Variants in AADACL2 observed in about 807,000 individuals in gnomAD.
AADACL2 encodes arylacetamide deacetylase like 2.
In AADACL2, 23 loss-of-function variants were observed where a neutral mutation model predicts 22.3. The observed-to-expected ratio is 1.03, with a 90% CI of 0.74 to 1.46. AADACL2 has a LOEUF of 1.46. Among genes scored for constraint, AADACL2 ranks in the 40% most tolerant of loss-of-function variants. AADACL2 has a pLI of 0.00. For missense variants in AADACL2, 472 were observed against 482.9 expected (o/e 0.98, Z 0.21); for synonymous variants, 177 against 166.2 (o/e 1.07, Z -0.50).
At chr3:151,745,363 C>A (rs1313098785) in intron 3 of AADACL2, 146 bp from the exon 4 acceptor site, 17 of 756,802 alleles carry the variant, frequency 2.2e-5, no homozygotes, top group Non-Finnish European at 3.6e-5. Context: ...AAATAATTTT[C>A]ATTTTAATCA....
chr3:151,742,311 A>G (rs9754584), intron 2 of AADACL2, among the ~76,000 whole-genome samples: 2,322 of 152,120 alleles, frequency 0.015, 63 homozygotes, highest in African/African-American at 0.053. Flanking sequence ...TTTTGTTTCT[A>G]TACGCATTCT....
chr3:151,749,907 A>G (rs553097027), intron 4 of AADACL2, among the ~76,000 whole-genome samples: 3 of 152,236 alleles, frequency 2.0e-5, no homozygotes, highest in Non-Finnish European at 4.4e-5. Flanking sequence ...GAGAATGGGT[A>G]TCTTTGTCTT....
chr3:151,748,393 C>A (rs952463538), intron 4 of AADACL2, among the ~76,000 whole-genome samples: 1 of 152,214 alleles, frequency 6.6e-6, no homozygotes, highest in East Asian at 1.9e-4. Flanking sequence ...TTTGTGTGTT[C>A]TTGGCACCTT....
chr3:151,757,272 A>T lies in AADACL2; in HGVS notation c.884A>T (p.Tyr295Phe). Reference protein sequence around the residue: ...ILLPEKYRKDYVYTEPILGGL... With the variant: ...ILLPEKYRKDFVYTEPILGGL... ...CTTCCTGAGAAGTATAGAAAAGACT[A>T]TGTATATACTGAACCAATTCTTGGA... The change falls in exon 5 of 5, where the codon TAT becomes TTT. Residue 295 changes from tyrosine (Y) to phenylalanine (F), a missense_variant. Around this residue, in one of 3 missense-constraint regions of AADACL2, gnomAD observed 356 missense variants for 365.5 expected, o/e 0.97. Coordinates refer to ENST00000356517, the MANE Select transcript of AADACL2 (RefSeq NM_207365.4). 6.2e-7 allele frequency: 1 copy of T among 1,613,766 alleles called. No homozygotes were observed. Among genetic ancestry groups the T allele is most frequent in the Non-Finnish European group, 8.5e-7 (1 of 1,179,706 alleles).
At chr3:151,741,033 T>C (rs1000093004) in intron 2 of AADACL2, among the ~76,000 whole-genome samples, 165 bp downstream of exon 2, 1 of 152,202 alleles carries the variant, frequency 6.6e-6, no homozygotes. Flanking sequence ...TAAAGAGACA[T>C]AGACATATGT....
At chr3:151,744,431 T>C (rs757476697) in intron 3 of AADACL2, among the ~76,000 whole-genome samples, 1 of 152,124 alleles carries the variant, frequency 6.6e-6, no homozygotes, top group Non-Finnish European at 1.5e-5. Flanking sequence ...AAGGCCCTAG[T>C]AGTGTCCCAA....
At chr3:151,750,545 CCTTT>C (rs1365190635) in intron 4 of AADACL2, among the ~76,000 whole-genome samples, 22 of 151,854 alleles carry the variant, frequency 1.4e-4, no homozygotes, top group Admixed American at 1.2e-3. Flanking sequence ...AACTTGTCTA[CCTTT>C]CTATTTAAAA....
intron 2 of AADACL2, among the ~76,000 whole-genome samples, chr3:151,741,115 T>C (rs928548380): frequency 1.7e-4 from 26 of 152,308 alleles, no homozygotes; most frequent in East Asian, 1.5e-3. Context: ...AGCTTTCATA[T>C]TGAATGAACA....
chr3:151,744,204 A>T, intron 3 of AADACL2, 42 bp downstream of exon 3: 1 of 1,599,764 alleles, frequency 6.3e-7, no homozygotes. Flanking sequence ...TTTTGCCTTT[A>T]CCATGTAGAG....
chr3:151,743,533 A>T (rs1713345587), intron 2 of AADACL2, among the ~76,000 whole-genome samples: 1 of 152,116 alleles, frequency 6.6e-6, no homozygotes, highest in South Asian at 2.1e-4. Context: ...AGGCTCTCTC[A>T]TATCTAGTTA....
chr3:151,740,810 A>C lies in AADACL2; in HGVS notation c.303A>C (p.Glu101Asp), dbSNP rs1713257192. The C allele has an allele frequency of 4.3e-6, 7 of 1,613,936 alleles. No individual in the cohort carries two copies. ...TGTACTTGCCAAAAAGAAAGTCAGA[A>C]ACCCGAAGGCGAGCTGTGATATATT... ...VRLYLPKRKS[E>D]TRRRAVIYFH... Residue 101 changes from glutamate (E) to aspartate (D), a missense_variant, in exon 2 of 5, where the codon GAA becomes GAC. By Grantham distance (45) the Glu-to-Asp change is conservative. Coordinates refer to ENST00000356517, the MANE Select transcript of AADACL2 (RefSeq NM_207365.4).
chr3:151,740,238 G>C (rs374461612), intron 1 of AADACL2, among the ~76,000 whole-genome samples: 35 of 152,224 alleles, frequency 2.3e-4, no homozygotes, highest in East Asian at 1.5e-3. Context: ...TCCCTTGGGT[G>C]GGGGAGGGAG....
chr3:151,747,269 CTT>C (rs1165316415), intron 4 of AADACL2, among the ~76,000 whole-genome samples: 2 of 152,100 alleles, frequency 1.3e-5, no homozygotes, highest in Non-Finnish European at 2.9e-5. Context: ...TAAGATCTGT[CTT>C]AGCAAATTTC....
chr3:151,738,784 T>C (rs1713179003), intron 1 of AADACL2, among the ~76,000 whole-genome samples: 1 of 152,252 alleles, frequency 6.6e-6, no homozygotes, highest in African/African-American at 2.4e-5. Flanking sequence ...ACTCGATTGA[T>C]TGAGCTATTG....
Position 151,760,242 on chromosome 3 carries a change from A to G in AADACL2, c.*2648A>G, listed in dbSNP as rs1473024876. On this transcript the variant is annotated 3_prime_UTR_variant, in exon 5 of 5. Coordinates refer to ENST00000356517, the MANE Select transcript of AADACL2 (RefSeq NM_207365.4). ...AGACTTGATTACACCCCATGGCATT[A>G]CAGCTAAAAATTCCAACGTTTTCAG... is the stretch of plus-strand genomic sequence containing the variant. The G allele has an allele frequency of 6.6e-6, 1 of 152,208 alleles. No homozygotes were observed. Among genetic ancestry groups the G allele is most frequent in the Admixed American group, 6.5e-5 (1 of 15,268 alleles). The allele number at this position is 152,208 out of a possible 1,614,324, so 9.4% of individuals were successfully genotyped here.
intron 4 of AADACL2, among the ~76,000 whole-genome samples, chr3:151,748,572 A>T (rs1713537809): frequency 1.3e-5 from 2 of 152,208 alleles, no homozygotes; most frequent in South Asian, 4.1e-4. Context: ...GAGGGAATGA[A>T]TGAGTGAATT....
chr3:151,736,301 T>C (rs1490590757), intron 1 of AADACL2, among the ~76,000 whole-genome samples: 1 of 81,416 alleles, frequency 1.2e-5, no homozygotes, highest in African/African-American at 5.1e-5. Flanking sequence ...CAAGGATTTA[T>C]CTTTTTTTTT....
intron 1 of AADACL2, 89 bp from the exon 2 acceptor site, chr3:151,740,556 AT>A (rs563352791): frequency 1.5e-4 from 129 of 872,218 alleles, no homozygotes; most frequent in East Asian, 1.1e-3. Context: ...TACCTTGCTT[AT>A]TTTTTCTTCC....
rs116601537 is a variant in AADACL2 at position 151,741,378 on chromosome 3, C to T, written c.361+510C>T. Among the ~76,000 whole-genome samples the T allele has an allele frequency of 4.0e-3, 607 of 152,142 alleles. 5 individuals are homozygous for T. The highest frequency in any genetic ancestry group is 0.013 in the African/African-American group (557 of 41,526). On this transcript the variant is annotated intron_variant, in intron 2 of 4. Coordinates refer to ENST00000356517, the MANE Select transcript of AADACL2 (RefSeq NM_207365.4). ...TAGTACTATGTAATAATAAACTCTT[C>T]CCATAAAATCTCGGTTCCCTACTTG...
Sources: allele counts gnomAD v4.1 joint callset (sites outside exome capture counted in the v4.1 genomes callset), GRCh38; gene constraint gnomAD v4.1.1; regional missense constraint gnomAD v4.1.1; transcripts MANE v1.5; gene names NCBI Gene and HGNC (gene_info 2026-07-23, HGNC 2026-07-21).